CAPN5: variants seen among roughly 807,000 people sequenced by gnomAD.
The protein encoded by CAPN5 is calpain 5, also known as calpain-5.
A neutral mutation model predicts 73.0 loss-of-function variants in CAPN5; 54 were observed. That is an observed-to-expected ratio of 0.74 (90% CI 0.59 to 0.93). The LOEUF is 0.93. Among genes scored for constraint, CAPN5 ranks in the 40% least tolerant of loss-of-function variants. The pLI is 0.00. For missense variants in CAPN5, 785 were observed against 882.9 expected (o/e 0.89, Z 1.41); for synonymous variants, 335 against 356.9 (o/e 0.94, Z 0.69).
intron 4 of CAPN5, among the ~76,000 whole-genome samples, chr11:77,113,748 G>A (rs1004898496): frequency 2.6e-4 from 11 of 42,254 alleles, no homozygotes; most frequent in African/African-American, 8.0e-4. Flanking sequence ...TCGACCCAGT[G>A]GCCTTGGTTG....
chr11:77,120,738 T>A lies in CAPN5; in HGVS notation c.1316T>A (p.Met439Lys). 1 of 1,612,716 alleles carries A rather than the reference T, an allele frequency of 6.2e-7. No individual in the cohort carries two copies. Among genetic ancestry groups the A allele is most frequent in the Non-Finnish European group, 8.5e-7 (1 of 1,179,470 alleles). Residue 439 changes from methionine to lysine, a missense_variant, in exon 10 of 13, where the codon ATG becomes AAG. Met to Lys is a moderately conservative substitution (Grantham distance 95). Transcript: ENST00000648180. ...GTGGAGGAGAACCGCCAGTACCGCA[T>A]GCACAGCCTGCAGCACAAGGCCGCC... ...YKVEENRQYR[M>K]HSLQHKAASS...
chr11:77,079,738 C>T (rs1431441938), intron 1 of CAPN5, among the ~76,000 whole-genome samples: 2 of 151,454 alleles, frequency 1.3e-5, no homozygotes, highest in Admixed American at 1.3e-4. Context: ...AGTGATTATA[C>T]CAATTTGTCC....
chr11:77,092,656 G>C (rs1280292264), intron 2 of CAPN5, among the ~76,000 whole-genome samples: 1 of 152,250 alleles, frequency 6.6e-6, no homozygotes, highest in Non-Finnish European at 1.5e-5. Context: ...GCAGCCTCTT[G>C]GGCCGTGCCC....
chr11:77,122,664 G>A lies in CAPN5; in HGVS notation c.1692G>A (p.Val564=). The A allele has an allele frequency of 6.2e-7, 1 of 1,613,950 alleles. No individual in the cohort carries two copies. The highest frequency in any genetic ancestry group is 1.1e-5 in the South Asian group (1 of 91,078). Residue 564 remains valine, a synonymous_variant, in exon 12 of 13, where the codon GTG becomes GTA. Transcript: ENST00000648180. ...QKGTSTPEYN[V]KGIFYRKKLS... is the part of the protein sequence containing the mutation. ...GCACCTCCACACCAGAGTACAATGT[G>A]AAAGGCATCTTCTACCGCAAGAAGC...
chr11:77,089,434 A>G (rs1950126361), intron 2 of CAPN5, among the ~76,000 whole-genome samples: 1 of 152,216 alleles, frequency 6.6e-6, no homozygotes, highest in Non-Finnish European at 1.5e-5. Context: ...CTGTGGGCAG[A>G]GACCTTCCCT....
Position 77,073,069 on chromosome 11 carries a change from C to T in CAPN5, c.-36+5975C>T, listed in dbSNP as rs61902106. 1,606 of 1,289,444 alleles carry T rather than the reference C, an allele frequency of 1.2e-3. 2 individuals are homozygous for T. The highest frequency in any genetic ancestry group is 1.5e-3 in the Non-Finnish European group (1,454 of 988,648). The allele number at this position is 1,289,444 out of a possible 1,614,324, so 79.9% of individuals were successfully genotyped here. On this transcript the variant is annotated intron_variant, in intron 1 of 12. Coordinates refer to ENST00000648180, the MANE Select transcript of CAPN5 (RefSeq NM_004055.5). Reference sequence around the variant, plus strand: ...TGAGAGAGAATGTCCTGCACAGGGACGCCCAGCTGTATCTACCTGCTGTCA... The same window carrying T: ...TGAGAGAGAATGTCCTGCACAGGGATGCCCAGCTGTATCTACCTGCTGTCA...
chr11:77,095,335 C>T (rs1394553442), intron 3 of CAPN5, among the ~76,000 whole-genome samples: 1 of 152,114 alleles, frequency 6.6e-6, no homozygotes, highest in African/African-American at 2.4e-5. Flanking sequence ...TAGAGCCCAC[C>T]CCCCCACTAG....
intron 12 of CAPN5, among the ~76,000 whole-genome samples, chr11:77,123,188 GCT>G (rs1950541225): frequency 6.6e-6 from 1 of 152,186 alleles, no homozygotes; most frequent in South Asian, 2.1e-4. Flanking sequence ...ATACTAGGGA[GCT>G]CTCTGGCCCC....
chr11:77,123,022 G>T (rs138965008), intron 12 of CAPN5, among the ~76,000 whole-genome samples: 2 of 152,216 alleles, frequency 1.3e-5, no homozygotes, highest in Non-Finnish European at 2.9e-5. Flanking sequence ...CCATTTCCCC[G>T]TGGGGGGCCC....
At position 77,125,697 on chromosome 11, in the gene CAPN5, G is replaced by C. The variant is rs1307236674; in HGVS notation, c.*1827G>C. On this transcript the variant is annotated 3_prime_UTR_variant, in exon 13 of 13. Coordinates refer to ENST00000648180, the MANE Select transcript of CAPN5 (RefSeq NM_004055.5). The stretch of plus-strand genomic sequence containing the variant: ...TTTCAAATCAAGGCTCCTGAGTAGG[G>C]GGTGAAGTGAGCCAGCTTGCACCTC... 1 of 152,088 alleles carries C rather than the reference G, an allele frequency of 6.6e-6. No individual in the cohort carries two copies. Among genetic ancestry groups the C allele is most frequent in the East Asian group, 1.9e-4 (1 of 5,164 alleles). The allele number at this position is 152,088 out of a possible 1,614,324, so 9.4% of individuals were successfully genotyped here.
At chr11:77,081,483 T>C (rs1214398287) in intron 1 of CAPN5, among the ~76,000 whole-genome samples, 2 of 152,218 alleles carry the variant, frequency 1.3e-5, no homozygotes, top group Non-Finnish European at 2.9e-5. Context: ...GGACACATCG[T>C]GGGTGAAGCC....
intron 1 of CAPN5, among the ~76,000 whole-genome samples, chr11:77,080,870 G>A (rs1242041857): frequency 1.3e-5 from 2 of 152,216 alleles, no homozygotes; most frequent in Non-Finnish European, 2.9e-5. Context: ...AAATGATGCA[G>A]TTGGGATGCA....
chr11:77,102,705 G>C, intron 3 of CAPN5: 1 of 1,054,606 alleles, frequency 9.5e-7, no homozygotes, highest in Non-Finnish European at 1.3e-6. Flanking sequence ...GGGCTGGGAA[G>C]AGCCAGTGGC....
In CAPN5 at chr11:77,103,054, T is replaced by C. The variant is rs781913980; in HGVS notation, c.297+9241T>C. 5.6e-6 allele frequency: 9 copies of C among 1,613,704 alleles called. No homozygotes were observed. In the East Asian group the frequency reaches 1.6e-4, roughly 28 times the overall value. On this transcript the variant is annotated intron_variant, in intron 3 of 12. Transcript: ENST00000648180. ...CAGTTCGAGCGCTGGAATGTCGTGC[T>C]GGACAAGCCGGGCAAGGTCACCATC...
intron 2 of CAPN5, among the ~76,000 whole-genome samples, chr11:77,086,286 T>C (rs797038265): frequency 6.6e-5 from 10 of 152,278 alleles, no homozygotes; most frequent in African/African-American, 2.2e-4. Context: ...CAGGCTATGA[T>C]CTCGAGTCCC....
chr11:77,098,243 T>C (rs1360083164), intron 3 of CAPN5, among the ~76,000 whole-genome samples: 2 of 59,006 alleles, frequency 3.4e-5, no homozygotes, highest in African/African-American at 8.5e-5. Context: ...CCCCCCCACC[T>C]CCCTCCCGGA....
At chr11:77,122,477 G>C in intron 11 of CAPN5, 99 bp from the exon 12 acceptor site, 1 of 1,057,996 alleles carries the variant, frequency 9.5e-7, no homozygotes. Context: ...CTCTCCATCT[G>C]AATAACTGAG....
In CAPN5 at chr11:77,124,133, C is replaced by G; in HGVS notation, c.*263C>G. 2.0e-6 allele frequency: 1 copy of G among 492,268 alleles called. No homozygotes were observed. The highest frequency in any genetic ancestry group is 2.9e-5 in the South Asian group (1 of 34,088). The allele number at this position is 492,268 out of a possible 1,614,324, so 30.5% of individuals were successfully genotyped here. On this transcript the variant is annotated 3_prime_UTR_variant, in exon 13 of 13. Coordinates refer to ENST00000648180, the MANE Select transcript of CAPN5 (RefSeq NM_004055.5). ...CAACTGTCACCACTGCTAAGGGACTCTATCCATTGAGCACATTTTCCTAAG... is the reference window on the plus strand; with the variant it reads ...CAACTGTCACCACTGCTAAGGGACTGTATCCATTGAGCACATTTTCCTAAG...
At chr11:77,070,015 C>T (rs1004005807) in intron 1 of CAPN5, among the ~76,000 whole-genome samples, 4 of 152,102 alleles carry the variant, frequency 2.6e-5, no homozygotes, top group Non-Finnish European at 5.9e-5. Flanking sequence ...GGTCCCTTTG[C>T]GGTTGGAATC....
Sources: gnomAD v4.1 joint callset for allele counts (sites outside exome capture counted in the v4.1 genomes callset) on GRCh38, gnomAD v4.1.1 for gene constraint, MANE v1.5 for transcripts, NCBI Gene and HGNC (gene_info 2026-07-23, HGNC 2026-07-21) for gene names.